ROBO2: variants seen among roughly 807,000 people sequenced by gnomAD.
ROBO2 encodes roundabout guidance receptor 2.
Under a neutral mutation model 160.8 loss-of-function variants are expected in ROBO2, and 53 were observed. That is an observed-to-expected ratio of 0.33 (90% CI 0.26 to 0.41). ROBO2 has a LOEUF of 0.41. ROBO2 is among the 10% of genes least tolerant of loss of function. The pLI is 1.00. For missense variants in ROBO2, 1,577 were observed against 1,722.4 expected (o/e 0.92, Z 1.49); for synonymous variants, 664 against 611.7 (o/e 1.09, Z -1.26).
At chr3:77,295,054 C>T (rs544716888) in intron 2 of ROBO2, among the ~76,000 whole-genome samples, 16 of 148,796 alleles carry the variant, frequency 1.1e-4, no homozygotes, top group East Asian at 2.0e-4. Context: ...GATGCTTAAA[C>T]GGGTAAACTG....
chr3:77,378,325 C>T (rs1487954552), intron 2 of ROBO2, among the ~76,000 whole-genome samples: 1 of 152,074 alleles, frequency 6.6e-6, no homozygotes, highest in African/African-American at 2.4e-5. Context: ...CTTTGAGTTC[C>T]TATAAGGTAG....
chr3:76,180,817 A>G (rs754792330), intron 2 of ROBO2, among the ~76,000 whole-genome samples: 1 of 152,140 alleles, frequency 6.6e-6, no homozygotes, highest in Non-Finnish European at 1.5e-5. Flanking sequence ...TATATCATCA[A>G]GATTAAAGGA....
chr3:76,115,609 G>A (rs1269102830), intron 2 of ROBO2, among the ~76,000 whole-genome samples: 1 of 152,056 alleles, frequency 6.6e-6, no homozygotes, highest in Non-Finnish European at 1.5e-5. Flanking sequence ...ATTTAGCAAA[G>A]TGAATATGCA....
At chr3:76,481,442 A>G (rs1033031800) in intron 2 of ROBO2, among the ~76,000 whole-genome samples, 6 of 152,184 alleles carry the variant, frequency 3.9e-5, no homozygotes, top group African/African-American at 7.2e-5. Context: ...GAACATGAGA[A>G]GATAATGTGC....
chr3:76,685,412 T>A (rs2092664674), intron 2 of ROBO2, among the ~76,000 whole-genome samples: 1 of 151,958 alleles, frequency 6.6e-6, no homozygotes, highest in African/African-American at 2.4e-5. Context: ...AGAACAAGAG[T>A]TTTAAATTAT....
intron 2 of ROBO2, among the ~76,000 whole-genome samples, chr3:76,886,726 C>T (rs887192743): frequency 4.6e-5 from 7 of 151,752 alleles, no homozygotes; most frequent in Admixed American, 6.6e-5. Context: ...GTTGCATTCA[C>T]GAAACTGGAT....
chr3:76,318,038 T>G (rs2072189657), intron 2 of ROBO2, among the ~76,000 whole-genome samples: 1 of 152,140 alleles, frequency 6.6e-6, no homozygotes. Context: ...CATTAATGTA[T>G]GCTTGTTCCC....
At chr3:77,464,039 C>T (rs956992251) in intron 2 of ROBO2, among the ~76,000 whole-genome samples, 1 of 152,162 alleles carries the variant, frequency 6.6e-6, no homozygotes, top group African/African-American at 2.4e-5. Flanking sequence ...TGAACTACTT[C>T]CTTTACTTTT....
chr3:76,557,713 G>C (rs966631703), intron 2 of ROBO2, among the ~76,000 whole-genome samples: 1 of 143,600 alleles, frequency 7.0e-6, no homozygotes, highest in Non-Finnish European at 1.5e-5. Context: ...TCTTCTTGCC[G>C]TACACTGACT....
At chr3:77,456,733 C>G (rs1053142597) in intron 2 of ROBO2, among the ~76,000 whole-genome samples, 2 of 152,158 alleles carry the variant, frequency 1.3e-5, no homozygotes, top group Admixed American at 6.5e-5. Flanking sequence ...ATTCTTTTCA[C>G]TTCATCTCAA....
At chr3:76,978,917 G>GTTTTT (rs1167066418) in intron 2 of ROBO2, among the ~76,000 whole-genome samples, 4 of 146,794 alleles carry the variant, frequency 2.7e-5, no homozygotes, top group African/African-American at 1.0e-4. Context: ...CAGTTTTAGA[G>GTTTTT]TTTTTTTTGT....
In ROBO2 at chr3:76,375,858, T is replaced by C. The variant is rs903134852; in HGVS notation, c.109+438256T>C. ...AATATCATAAAGTCAGAATTGCTAG[T>C]GTTCAAATTATTGATTCATGTGCAA... On this transcript the variant is annotated intron_variant, in intron 2 of 26. Coordinates refer to the ROBO2 transcript ENST00000487694. Among the ~76,000 whole-genome samples, 4 of 152,188 alleles carry C rather than the reference T, an allele frequency of 2.6e-5. No homozygotes were observed. In the East Asian group the frequency reaches 7.8e-4, roughly 30 times the overall value.
chr3:76,507,665 CA>C (rs1232323527), intron 2 of ROBO2, among the ~76,000 whole-genome samples: 9 of 152,146 alleles, frequency 5.9e-5, no homozygotes, highest in Middle Eastern at 3.4e-3. Flanking sequence ...ATCCTCACAA[CA>C]ACCCTACGAG....
intron 2 of ROBO2, among the ~76,000 whole-genome samples, chr3:77,273,587 C>T (rs1366491174): frequency 6.6e-6 from 1 of 152,144 alleles, no homozygotes; most frequent in Non-Finnish European, 1.5e-5. Context: ...TTCCCTTTCT[C>T]TTTATGGTTT....
intron 2 of ROBO2, among the ~76,000 whole-genome samples, chr3:76,132,402 G>GT (rs141601900): frequency 3.2e-5 from 2 of 62,650 alleles, no homozygotes; most frequent in Non-Finnish European, 1.0e-4. Context: ...GTTGGGGGGG[G>GT]GGGGGGACGC....
intron 2 of ROBO2, among the ~76,000 whole-genome samples, chr3:76,153,635 C>T (rs538434746): frequency 6.6e-6 from 1 of 152,154 alleles, no homozygotes; most frequent in South Asian, 2.1e-4. Flanking sequence ...ACGAACCTTA[C>T]AATCCTCATG....
At chr3:76,987,408 G>A (rs756990403) in intron 2 of ROBO2, among the ~76,000 whole-genome samples, 40 of 151,986 alleles carry the variant, frequency 2.6e-4, no homozygotes, top group Non-Finnish European at 5.4e-4. Flanking sequence ...CTCCATGTGC[G>A]ACTTCCCTTT....
At chr3:76,221,500 C>G (rs918015351) in intron 2 of ROBO2, among the ~76,000 whole-genome samples, 3 of 152,172 alleles carry the variant, frequency 2.0e-5, no homozygotes, top group Non-Finnish European at 2.9e-5. Flanking sequence ...AGCAGTGCCA[C>G]TCTCATTTTC....
chr3:77,434,713 T>C (rs2079113625), intron 2 of ROBO2, among the ~76,000 whole-genome samples: 2 of 152,144 alleles, frequency 1.3e-5, no homozygotes, highest in South Asian at 4.1e-4. Context: ...GAGTTCCAGC[T>C]ACTGGATCCT....
Sources: gnomAD v4.1 joint callset for allele counts (sites outside exome capture counted in the v4.1 genomes callset) on GRCh38, gnomAD v4.1.1 for gene constraint, MANE v1.5 for transcripts, NCBI Gene and HGNC (gene_info 2026-07-23, HGNC 2026-07-21) for gene names.